Variants in VTI1A observed in about 807,000 individuals in gnomAD.
VTI1A encodes vesicle transport through interaction with t-SNAREs 1A, also known as vesicle transport through interaction with t-SNAREs homolog 1A.
VTI1A carries 22 observed loss-of-function variants against 34.9 expected under a neutral mutation model. The observed-to-expected ratio is 0.63, with a 90% confidence interval of 0.45 to 0.90. The LOEUF is 0.90. Among genes scored for constraint, VTI1A ranks in the 40% least tolerant of loss-of-function variants. The pLI, the probability that VTI1A is intolerant of heterozygous loss-of-function variation, is 0.00. For synonymous variants in VTI1A, 87 were observed against 97.3 expected (o/e 0.89, Z 0.62); for missense variants, 268 against 275.6 (o/e 0.97, Z 0.20).
At chr10:112,807,990 A>G (rs1284282841) in intron 7 of VTI1A, among the ~76,000 whole-genome samples, 1 of 150,778 alleles carries the variant, frequency 6.6e-6, no homozygotes, top group African/African-American at 2.4e-5. Context: ...GGCCGAGGCA[A>G]GAGGATCTCT....
intron 7 of VTI1A, among the ~76,000 whole-genome samples, chr10:112,763,150 C>G (rs184762493): frequency 6.6e-6 from 1 of 151,976 alleles, no homozygotes; most frequent in East Asian, 1.9e-4. Flanking sequence ...CTGGGCCAGG[C>G]GCAGTGGCTC....
At chr10:112,670,206 G>A (rs1847798387) in intron 7 of VTI1A, among the ~76,000 whole-genome samples, 1 of 152,118 alleles carries the variant, frequency 6.6e-6, no homozygotes, top group South Asian at 2.1e-4. Context: ...TTGCTTCCCT[G>A]GGAGGGCTCC....
At chr10:112,550,355 T>G (rs865937279) in intron 5 of VTI1A, among the ~76,000 whole-genome samples, 35 of 152,196 alleles carry the variant, frequency 2.3e-4, no homozygotes, top group Admixed American at 1.2e-3. Context: ...GAAGGTTTTT[T>G]TTTTTTTTTT....
intron 7 of VTI1A, among the ~76,000 whole-genome samples, chr10:112,811,735 T>TAGAGGAGA (rs933459961): frequency 2.4e-5 from 3 of 126,974 alleles, no homozygotes; most frequent in African/African-American, 9.3e-5. Context: ...TGCCTGGAAG[T>TAGAGGAGA]AGAGGAGAAC....
the VTI1A span, among the ~76,000 whole-genome samples, chr10:112,843,910 C>A: frequency 6.6e-6 from 1 of 152,154 alleles, no homozygotes; most frequent in African/African-American, 2.4e-5. Flanking sequence ...TACTTCCCCT[C>A]TCTGTACCTT....
At chr10:112,508,645 C>G (rs923890928) in intron 3 of VTI1A, among the ~76,000 whole-genome samples, 8 of 152,098 alleles carry the variant, frequency 5.3e-5, no homozygotes, top group Non-Finnish European at 1.2e-4. Context: ...GTTAGACACC[C>G]TTTCTGCACC....
chr10:112,715,614 A>G (rs1294396743), intron 7 of VTI1A, among the ~76,000 whole-genome samples: 1 of 152,144 alleles, frequency 6.6e-6, no homozygotes, highest in African/African-American at 2.4e-5. Flanking sequence ...CACGCTTTTC[A>G]TCAAGAGCTG....
At chr10:112,683,160 A>C (rs1848279092) in intron 7 of VTI1A, among the ~76,000 whole-genome samples, 1 of 152,242 alleles carries the variant, frequency 6.6e-6, no homozygotes, top group African/African-American at 2.4e-5. Flanking sequence ...AATGCAAAGA[A>C]TCTTTTTACC....
chr10:112,570,426 A>T (rs1010014109), intron 5 of VTI1A, among the ~76,000 whole-genome samples: 1 of 152,228 alleles, frequency 6.6e-6, no homozygotes, highest in Non-Finnish European at 1.5e-5. Flanking sequence ...ATAATGGTAA[A>T]GATTGAGCCT....
chr10:112,787,686 CTT>C (rs1342375737), intron 7 of VTI1A, among the ~76,000 whole-genome samples: 4 of 132,334 alleles, frequency 3.0e-5, no homozygotes, highest in East Asian at 4.4e-4. Context: ...TTTCTTTTTT[CTT>C]TTTTCTTTTC....
intron 7 of VTI1A, among the ~76,000 whole-genome samples, chr10:112,686,197 A>G (rs970378838): frequency 6.6e-6 from 1 of 152,186 alleles, no homozygotes; most frequent in Non-Finnish European, 1.5e-5. Context: ...TGCACTTTCT[A>G]TCTAGTAGAA....
chr10:112,503,225 G>A (rs1414056159), intron 3 of VTI1A, among the ~76,000 whole-genome samples: 2 of 152,046 alleles, frequency 1.3e-5, no homozygotes, highest in African/African-American at 2.4e-5. Flanking sequence ...CTGTCTTACT[G>A]TATATTTGTA....
intron 5 of VTI1A, among the ~76,000 whole-genome samples, chr10:112,626,956 G>A (rs533818955): frequency 1.7e-4 from 26 of 152,262 alleles, no homozygotes; most frequent in South Asian, 1.0e-3. Flanking sequence ...AAAATTAATT[G>A]CAAACACAGC....
chr10:112,448,252 T>C (rs1847038695), intron 1 of VTI1A: 1 of 152,208 alleles, frequency 6.6e-6, no homozygotes, highest in Non-Finnish European at 1.5e-5. Flanking sequence ...TTGTTTCTCA[T>C]CCTTCTTGGG....
intron 7 of VTI1A, among the ~76,000 whole-genome samples, chr10:112,699,906 G>A (rs1182704892): frequency 6.6e-6 from 1 of 151,544 alleles, no homozygotes; most frequent in East Asian, 1.9e-4. Context: ...GGATCACGAG[G>A]TCAGGAGTTC....
At chr10:112,796,298 C>T (rs1370442741) in intron 7 of VTI1A, among the ~76,000 whole-genome samples, 2 of 151,364 alleles carry the variant, frequency 1.3e-5, no homozygotes, top group African/African-American at 2.4e-5. Context: ...CCCAGCTACT[C>T]GGGAGGCTGA....
At chr10:112,565,461 C>A (rs1317716487) in intron 5 of VTI1A, among the ~76,000 whole-genome samples, 1 of 151,974 alleles carries the variant, frequency 6.6e-6, no homozygotes, top group Non-Finnish European at 1.5e-5. Context: ...TTTATATTTA[C>A]TTTCAGTTTA....
chr10:112,769,502 A>G (rs929663815), intron 7 of VTI1A, among the ~76,000 whole-genome samples: 1 of 152,220 alleles, frequency 6.6e-6, no homozygotes, highest in African/African-American at 2.4e-5. Context: ...TGTCTTTGAT[A>G]AGCCAGACTT....
the VTI1A span, among the ~76,000 whole-genome samples, chr10:112,851,196 A>G: frequency 6.6e-6 from 1 of 152,234 alleles, no homozygotes; most frequent in Admixed American, 6.5e-5. Context: ...TAAAAGTCTC[A>G]GAGCATTTGA....
Sources: gnomAD v4.1 joint callset for allele counts (sites outside exome capture counted in the v4.1 genomes callset) on GRCh38, gnomAD v4.1.1 for gene constraint, MANE v1.5 for transcripts, NCBI Gene and HGNC (gene_info 2026-07-23, HGNC 2026-07-21) for gene names.